RNGTT: variants seen among roughly 807,000 people sequenced by gnomAD.
RNGTT encodes RNA guanylyltransferase and 5'-phosphatase, also known as mRNA-capping enzyme.
A neutral mutation model predicts 79.3 loss-of-function variants in RNGTT; 33 were observed. That is an observed-to-expected ratio of 0.42 (90% confidence interval 0.32 to 0.56). The LOEUF is 0.56. RNGTT is among the 20% of genes least tolerant of loss of function. The pLI, the probability that RNGTT is intolerant of heterozygous loss-of-function variation, is 0.17. For synonymous variants in RNGTT, 222 were observed against 235.9 expected (o/e 0.94, Z 0.54); for missense variants, 497 against 739.1 (o/e 0.67, Z 3.80).
chr6:88,801,485 T>C (rs1312177514), intron 12 of RNGTT, 79 bp downstream of exon 12: 1 of 1,070,172 alleles, frequency 9.3e-7, no homozygotes, highest in South Asian at 1.5e-5. Flanking sequence ...TACATGTGTA[T>C]GTGTATGTAT....
At chr6:88,669,411 G>A (rs1774542995) in intron 14 of RNGTT, among the ~76,000 whole-genome samples, 1 of 152,186 alleles carries the variant, frequency 6.6e-6, no homozygotes, top group Non-Finnish European at 1.5e-5. Flanking sequence ...CAGTCCAGAA[G>A]GCCCACACTG....
chr6:88,763,271 C>G (rs1778332355), intron 13 of RNGTT, among the ~76,000 whole-genome samples: 1 of 151,860 alleles, frequency 6.6e-6, no homozygotes, highest in African/African-American at 2.4e-5. Flanking sequence ...GCGTATTTAT[C>G]CATGTGTCAG....
At chr6:88,804,927 G>A (rs920783139) in intron 11 of RNGTT, among the ~76,000 whole-genome samples, 3 of 152,124 alleles carry the variant, frequency 2.0e-5, no homozygotes, top group Non-Finnish European at 4.4e-5. Flanking sequence ...TTAAGAAAAT[G>A]CTTTTTCCCC....
At chr6:88,711,255 A>G (rs1392313101) in intron 13 of RNGTT, among the ~76,000 whole-genome samples, 1 of 152,194 alleles carries the variant, frequency 6.6e-6, no homozygotes, top group African/African-American at 2.4e-5. Context: ...TCATAATTAC[A>G]TCTTCCAATT....
chr6:88,876,233 AC>A (rs1782513480), intron 8 of RNGTT, among the ~76,000 whole-genome samples: 1 of 152,216 alleles, frequency 6.6e-6, no homozygotes, highest in African/African-American at 2.4e-5. Context: ...AAAGCAGCAT[AC>A]AAAAATAATC....
intron 11 of RNGTT, among the ~76,000 whole-genome samples, chr6:88,825,395 A>AC (rs1293737004): frequency 6.6e-6 from 1 of 152,198 alleles, no homozygotes; most frequent in African/African-American, 2.4e-5. Flanking sequence ...CATAGATTCC[A>AC]TTTTTAGAAT....
chr6:88,632,719 G>A (rs1211243677), intron 14 of RNGTT, among the ~76,000 whole-genome samples: 1 of 151,874 alleles, frequency 6.6e-6, no homozygotes, highest in Non-Finnish European at 1.5e-5. Flanking sequence ...AAGTCAGGGG[G>A]GAAAAAAATC....
intron 14 of RNGTT, among the ~76,000 whole-genome samples, chr6:88,646,155 A>T (rs1773546988): frequency 6.6e-6 from 1 of 152,188 alleles, no homozygotes; most frequent in African/African-American, 2.4e-5. Context: ...ACAAGAAAAA[A>T]ACAAACAACC....
intron 13 of RNGTT, among the ~76,000 whole-genome samples, chr6:88,761,088 G>A (rs1270258235): frequency 2.7e-5 from 4 of 150,152 alleles, no homozygotes; most frequent in South Asian, 2.1e-4. Flanking sequence ...AGACTTTTCC[G>A]ATAGGAAGTA....
chr6:88,911,458 T>C (rs1275040158), intron 4 of RNGTT, among the ~76,000 whole-genome samples: 1 of 152,298 alleles, frequency 6.6e-6, no homozygotes, highest in East Asian at 1.9e-4. Flanking sequence ...ACACCCAATA[T>C]TGTAGCACGC....
At chr6:88,899,126 C>T (rs1783359107) in intron 6 of RNGTT, among the ~76,000 whole-genome samples, 1 of 150,944 alleles carries the variant, frequency 6.6e-6, no homozygotes. Flanking sequence ...AAAAAACTAC[C>T]AAAAGGCATA....
intron 14 of RNGTT, among the ~76,000 whole-genome samples, chr6:88,667,065 TCAC>T (rs1774441318): frequency 6.6e-6 from 1 of 152,106 alleles, no homozygotes; most frequent in African/African-American, 2.4e-5. Flanking sequence ...CATCAGTGAG[TCAC>T]CACTTCTGTT....
At chr6:88,655,540 T>C (rs1260081179) in intron 14 of RNGTT, among the ~76,000 whole-genome samples, 1 of 152,174 alleles carries the variant, frequency 6.6e-6, no homozygotes, top group Admixed American at 6.5e-5. Context: ...ACCCAGTTAC[T>C]CAGCAGGGAC....
At chr6:88,717,437 A>G (rs1197598996) in intron 13 of RNGTT, among the ~76,000 whole-genome samples, 1 of 152,236 alleles carries the variant, frequency 6.6e-6, no homozygotes, top group Non-Finnish European at 1.5e-5. Flanking sequence ...CAATTCAACA[A>G]GTAATTAGTG....
chr6:88,612,745 G>A lies in RNGTT; in HGVS notation c.1768C>T (p.Pro590Ser). 1 of 1,612,930 alleles carries A rather than the reference G, an allele frequency of 6.2e-7. No homozygotes were observed. Among genetic ancestry groups the A allele is most frequent in the Non-Finnish European group, 8.5e-7 (1 of 1,179,916 alleles). ...TAGGTTAAAGGGCGTGGTCTTTTGG[G>A]AGGTGGTGGTGGCATGAGCTCCGTG... ...PDTELMPPPP[P>S]KRPRPLT Residue 590 changes from proline to serine, a missense_variant, in exon 16 of 16, where the codon CCC (proline) becomes TCC (serine). This residue lies in a region of RNGTT where 53 missense variants were observed against 50.5 expected (regional missense o/e 1.05). Transcript: ENST00000369485.
At chr6:88,625,556 A>G (rs79468168) in intron 14 of RNGTT, among the ~76,000 whole-genome samples, 4,545 of 151,982 alleles carry the variant, frequency 0.03, 229 homozygotes, top group African/African-American at 0.1. Context: ...AAGCAGACTA[A>G]GATTTAGGAG....
At position 88,817,749 on chromosome 6, in the gene RNGTT, A is replaced by ATTTTTTT; in HGVS notation, c.1270-16124_1270-16118dup. Among the ~76,000 whole-genome samples, 108 of 71,574 alleles carry ATTTTTTT rather than the reference A, an allele frequency of 1.5e-3. 16 individuals are homozygous for ATTTTTTT. Among genetic ancestry groups the ATTTTTTT allele is most frequent in the Admixed American group, 2.5e-3 (14 of 5,526 alleles). The allele number at this position is 71,574 out of a possible 152,430, so 47.0% of individuals were successfully genotyped here. A position where few individuals can be genotyped will look rare whatever the true frequency, so the allele number is the denominator to read the frequency against. On this transcript the variant is annotated intron_variant, in intron 11 of 15. Transcript: ENST00000369485. Reference sequence around the variant, plus strand: ...TTCACCATCCAAGTCTATTCACATCATTTTTTTTTTTTTTTTTTTTTTTTT... The same window carrying ATTTTTTT: ...TTCACCATCCAAGTCTATTCACATCATTTTTTTTTTTTTTTTTTTTTTTTTTTTTTTT...
intron 14 of RNGTT, among the ~76,000 whole-genome samples, chr6:88,673,083 T>C (rs959623221): frequency 6.6e-6 from 1 of 152,214 alleles, no homozygotes; most frequent in African/African-American, 2.4e-5. Context: ...TTTTTAGAAA[T>C]ATAGTTGTAA....
chr6:88,867,719 A>G (rs1782220978), intron 8 of RNGTT, among the ~76,000 whole-genome samples: 1 of 152,236 alleles, frequency 6.6e-6, no homozygotes, highest in South Asian at 2.1e-4. Context: ...AAGAAAAACT[A>G]AGTATGATCA....
Sources: gnomAD v4.1 joint callset for allele counts (sites outside exome capture counted in the v4.1 genomes callset) on GRCh38, gnomAD v4.1.1 for gene constraint, gnomAD v4.1.1 regional missense constraint, MANE v1.5 for transcripts, NCBI Gene and HGNC (gene_info 2026-07-23, HGNC 2026-07-21) for gene names.